The following TPX2 variants were observed in gnomAD, a reference collection of about 807,000 sequenced individuals.
The protein encoded by TPX2 is targeting protein for Xklp2.
In TPX2, 21 loss-of-function variants were observed where a neutral mutation model predicts 93.6. The observed-to-expected ratio is 0.22, with a 90% CI of 0.16 to 0.32. TPX2 has a LOEUF of 0.32. TPX2 is among the 10% of genes least tolerant of loss of function. The pLI is 1.00. For synonymous variants in TPX2, 281 were observed against 298.3 expected (o/e 0.94, Z 0.60); for missense variants, 776 against 871.1 (o/e 0.89, Z 1.37).
At chr20:31,793,784 C>T (rs374705000) in intron 13 of TPX2, 64 bp from the exon 14 acceptor site, 1 of 1,442,148 alleles carries the variant, frequency 6.9e-7, no homozygotes, top group Non-Finnish European at 9.3e-7. Flanking sequence ...TCTTCTGACT[C>T]CACATTCTGG....
At chr20:31,786,033 G>A (rs1267234304) in intron 12 of TPX2, among the ~76,000 whole-genome samples, 4 of 152,108 alleles carry the variant, frequency 2.6e-5, no homozygotes, top group Non-Finnish European at 4.4e-5. Context: ...AGCAATAATA[G>A]CTAATACTTA....
At chr20:31,772,155 G>A (rs991506477) in intron 7 of TPX2, among the ~76,000 whole-genome samples, 73 of 151,770 alleles carry the variant, frequency 4.8e-4, no homozygotes, top group African/African-American at 1.7e-3. Context: ...CGAGTAGCCC[G>A]GATTACAGGT....
At chr20:31,747,547 G>A (rs7264399) in intron 2 of TPX2, among the ~76,000 whole-genome samples, 1,843 of 152,234 alleles carry the variant, frequency 0.012, 46 homozygotes, top group African/African-American at 0.042. Context: ...CATTGAATAG[G>A]CAGTTTTTAG....
chr20:31,772,153 C>G (rs1446562886), intron 7 of TPX2, among the ~76,000 whole-genome samples: 1 of 151,572 alleles, frequency 6.6e-6, no homozygotes, highest in Non-Finnish European at 1.5e-5. Flanking sequence ...CCCGAGTAGC[C>G]CGGATTACAG....
At chr20:31,799,463 T>C (rs1217915284) in intron 17 of TPX2, among the ~76,000 whole-genome samples, 1 of 152,236 alleles carries the variant, frequency 6.6e-6, no homozygotes, top group African/African-American at 2.4e-5. Context: ...AATAAGTGGA[T>C]GTTATGTGCT....
At chr20:31,783,684 A>T (rs545302928) in intron 11 of TPX2, 21 bp from the exon 12 acceptor site, 7 of 1,577,158 alleles carry the variant, frequency 4.4e-6, no homozygotes, top group Admixed American at 2.1e-5. Flanking sequence ...TTTTGTGGTT[A>T]TTTAAATTTT....
intron 4 of TPX2, among the ~76,000 whole-genome samples, chr20:31,763,416 G>A (rs2061902638): frequency 6.6e-6 from 1 of 152,046 alleles, no homozygotes; most frequent in Non-Finnish European, 1.5e-5. Flanking sequence ...CTGACCTCAG[G>A]TGATCTACCT....
chr20:31,799,924 AGTG>A (rs1568614645), intron 17 of TPX2, among the ~76,000 whole-genome samples: 3 of 145,594 alleles, frequency 2.1e-5, no homozygotes, highest in African/African-American at 7.7e-5. Flanking sequence ...AAAAAAAAGA[AGTG>A]TAAGTTGTTG....
intron 9 of TPX2, 149 bp downstream of exon 9, chr20:31,777,787 T>G (rs944869522): frequency 1.1e-6 from 1 of 876,350 alleles, no homozygotes; most frequent in Non-Finnish European, 1.6e-6. Flanking sequence ...GATCTTTTTT[T>G]TTTTTTGAGA....
intron 7 of TPX2, among the ~76,000 whole-genome samples, chr20:31,773,806 A>G (rs1216744722): frequency 6.6e-6 from 1 of 152,182 alleles, no homozygotes; most frequent in Non-Finnish European, 1.5e-5. Flanking sequence ...GAATAATTAA[A>G]TCTAGCTAAT....
At chr20:31,751,825 CTT>C (rs2061821812) in intron 2 of TPX2, among the ~76,000 whole-genome samples, 1 of 152,332 alleles carries the variant, frequency 6.6e-6, no homozygotes, top group East Asian at 1.9e-4. Context: ...TCACTGCAAC[CTT>C]CGCCTCCTGG....
chr20:31,789,013 C>T (rs1479855484), intron 12 of TPX2, among the ~76,000 whole-genome samples: 2 of 152,138 alleles, frequency 1.3e-5, no homozygotes, highest in Non-Finnish European at 1.5e-5. Flanking sequence ...TCCCCATTCC[C>T]ATCCCCAGTC....
rs2062122697 is a variant in TPX2, at chr20:31,794,498, T to C, written c.1783T>C (p.Leu595=). The change falls in exon 15 of 18, where the codon TTG becomes CTG. Residue 595 remains leucine, a synonymous_variant. Coordinates refer to ENST00000300403, the MANE Select transcript of TPX2 (RefSeq NM_012112.5). ...TGTGACCCAGATTGAACCTTTCTGC[T>C]TGGAGACTGACAGAAGAGGTGCTCT... ...KNVTQIEPFC[L]ETDRRGALKA... 6.2e-7 allele frequency: 1 copy of C among 1,614,098 alleles called. No homozygotes were observed. Among genetic ancestry groups the C allele is most frequent in the Non-Finnish European group, 8.5e-7 (1 of 1,180,022 alleles).
Position 31,778,838 on chromosome 20 carries a change from T to C in TPX2, c.908T>C (p.Ile303Thr), listed in dbSNP as rs2062017578. Reference sequence around the variant, plus strand: ...GCCCGAGTGACTAAGGGATGTACCATTGTTAAGCCTTTCAACCTGTCCCAA... The same window carrying C: ...GCCCGAGTGACTAAGGGATGTACCACTGTTAAGCCTTTCAACCTGTCCCAA... ...SPARVTKGCT[I>T]VKPFNLSQGK... is the part of the protein sequence containing the mutation. Residue 303 changes from isoleucine to threonine, a missense_variant, in exon 10 of 18, where the codon ATT becomes ACT. This residue lies in a region of TPX2 where 461 missense variants were observed against 551.2 expected (regional missense o/e 0.84). Coordinates refer to ENST00000300403, the MANE Select transcript of TPX2 (RefSeq NM_012112.5). 6.3e-7 allele frequency: 1 copy of C among 1,599,704 alleles called. No individual in the cohort carries two copies. Among genetic ancestry groups the C allele is most frequent in the Non-Finnish European group, 8.5e-7 (1 of 1,175,344 alleles).
intron 7 of TPX2, 138 bp downstream of exon 7, chr20:31,771,820 T>C: frequency 1.2e-6 from 1 of 868,718 alleles, no homozygotes; most frequent in Non-Finnish European, 1.7e-6. Flanking sequence ...GTTACATGTG[T>C]CCTGATGGGT....
At position 31,757,583 on chromosome 20, in the gene TPX2, G is replaced by A; in HGVS notation, c.106+1G>A. The A allele has an allele frequency of 6.2e-7, 1 of 1,611,072 alleles. No homozygotes were observed. Among genetic ancestry groups the A allele is most frequent in the Non-Finnish European group, 8.5e-7 (1 of 1,177,582 alleles). ...ACTCAAAACATAGATTCATGGTTTG[G>A]TAAGTGCCTGCTTTCTCTGGCTATT... On this transcript the variant is annotated splice_donor_variant, in intron 3 of 17. Transcript: ENST00000300403. LOFTEE classifies it high-confidence loss of function.
chr20:31,742,938 G>A (rs1366602962), intron 2 of TPX2, among the ~76,000 whole-genome samples: 1 of 152,138 alleles, frequency 6.6e-6, no homozygotes, highest in Admixed American at 6.6e-5. Flanking sequence ...TATGCGGCCG[G>A]TTACTGTGGC....
Position 31,778,974 on chromosome 20 carries a change from GGAT to G in TPX2, c.1048_1050del (p.Asp350del). 2.5e-6 allele frequency: 4 copies of G among 1,588,058 alleles called. No individual in the cohort carries two copies. Among genetic ancestry groups the G allele is most frequent in the Non-Finnish European group, 3.4e-6 (4 of 1,171,074 alleles). On this transcript the variant is annotated inframe_deletion, in exon 10 of 18. Transcript: ENST00000300403. ...ACAGATATCATTTGAGGAGCAAGAA[GGAT>G]GATATTAGTAAGTTTCCTACCAGTA...
chr20:31,769,258 C>T (rs1381960052), intron 5 of TPX2, among the ~76,000 whole-genome samples: 6 of 148,534 alleles, frequency 4.0e-5, no homozygotes, highest in African/African-American at 1.5e-4. Context: ...ACTAACATAC[C>T]ATGTTTACGT....
Sources: allele counts gnomAD v4.1 joint callset (sites outside exome capture counted in the v4.1 genomes callset), GRCh38; gene constraint gnomAD v4.1.1; regional missense constraint gnomAD v4.1.1; transcripts MANE v1.5; gene names NCBI Gene and HGNC (gene_info 2026-07-23, HGNC 2026-07-21).